BCAS3: variants seen among roughly 807,000 people sequenced by gnomAD.
BCAS3 encodes the protein BCAS4/BCAS3 fusion.
BCAS3 carries 53 observed loss-of-function variants against 116.1 expected under a neutral mutation model. The ratio of observed to expected loss-of-function variants is 0.46; its 90% CI spans 0.37 to 0.57. The LOEUF is 0.57. BCAS3 is among the 20% of genes least tolerant of loss of function. BCAS3 has a pLI of 0.00. For synonymous variants in BCAS3, 391 were observed against 408.2 expected (o/e 0.96, Z 0.51); for missense variants, 917 against 1,165.4 (o/e 0.79, Z 3.10).
intron 13 of BCAS3, among the ~76,000 whole-genome samples, chr17:60,932,962 G>T (rs2145193086): frequency 6.6e-6 from 1 of 152,094 alleles, no homozygotes; most frequent in Non-Finnish European, 1.5e-5. Flanking sequence ...ATTACTTGAG[G>T]TTGGGAGTTC....
At chr17:60,951,775 T>C (rs528915395) in intron 14 of BCAS3, among the ~76,000 whole-genome samples, 1 of 146,910 alleles carries the variant, frequency 6.8e-6, no homozygotes, top group Non-Finnish European at 1.5e-5. Flanking sequence ...TTTTTTTTTT[T>C]TTTTTTTTTT....
chr17:60,680,841 T>C (rs1047243180), intron 2 of BCAS3, among the ~76,000 whole-genome samples: 2 of 151,854 alleles, frequency 1.3e-5, no homozygotes, highest in Non-Finnish European at 2.9e-5. Flanking sequence ...AAAGACGGGG[T>C]TTTGCCATTT....
chr17:60,732,436 T>G (rs2040551208), intron 5 of BCAS3, among the ~76,000 whole-genome samples: 2 of 152,168 alleles, frequency 1.3e-5, no homozygotes, highest in African/African-American at 4.8e-5. Flanking sequence ...TTGGATGAGA[T>G]TATGAAGACT....
chr17:61,025,282 AT>A (rs1318723602), intron 16 of BCAS3, among the ~76,000 whole-genome samples: 1 of 150,956 alleles, frequency 6.6e-6, no homozygotes, highest in African/African-American at 2.4e-5. Flanking sequence ...TATGGCCAAC[AT>A]TTTTTTTTCT....
chr17:60,815,994 A>G (rs1445359200), intron 7 of BCAS3, among the ~76,000 whole-genome samples: 1 of 152,076 alleles, frequency 6.6e-6, no homozygotes, highest in Non-Finnish European at 1.5e-5. Context: ...TCACTTTTTT[A>G]TGACTGAGAA....
At position 61,363,457 on chromosome 17, in the gene BCAS3, C is replaced by T. The variant is rs1201407001; in HGVS notation, c.2426-4870C>T. 6.6e-6 allele frequency among the ~76,000 whole-genome samples: 1 copy of T among 152,026 alleles called. No individual in the cohort carries two copies. Among genetic ancestry groups the T allele is most frequent in the African/African-American group, 2.4e-5 (1 of 41,386 alleles). ...CTGCGAAGACTGTTGCACTTACAAC[C>T]AGATGCCTCATGTCTCTGAAACTCA... On this transcript the variant is annotated intron_variant, in intron 22 of 23. Coordinates refer to ENST00000407086, the MANE Select transcript of BCAS3 (RefSeq NM_017679.5). The surrounding 1 kb of genome is among the most constrained non-coding windows in gnomAD (Gnocchi z 4.9).
chr17:60,688,858 G>A (rs756030300), intron 3 of BCAS3: 2 of 151,858 alleles, frequency 1.3e-5, no homozygotes, highest in African/African-American at 2.4e-5. Flanking sequence ...TTTATGGAGA[G>A]ATGCCTCCTT....
intron 14 of BCAS3, among the ~76,000 whole-genome samples, chr17:60,959,578 T>C (rs1016644889): frequency 1.1e-4 from 17 of 152,332 alleles, no homozygotes; most frequent in Admixed American, 5.2e-4. Context: ...GAAATAATTT[T>C]GCATTTACTT....
chr17:60,775,640 A>G (rs990070856), intron 6 of BCAS3, among the ~76,000 whole-genome samples: 17 of 151,790 alleles, frequency 1.1e-4, no homozygotes, highest in Non-Finnish European at 1.5e-5. Context: ...AAGTGAATTT[A>G]TGTAAATTTA....
chr17:61,303,351 G>A (rs567368733), intron 22 of BCAS3, among the ~76,000 whole-genome samples: 69 of 152,292 alleles, frequency 4.5e-4, no homozygotes, highest in South Asian at 1.0e-3. Context: ...ATACAGCAGC[G>A]GCCTGGAACT....
intron 22 of BCAS3, among the ~76,000 whole-genome samples, chr17:61,311,926 A>C (rs1421902876): frequency 6.6e-6 from 1 of 151,966 alleles, no homozygotes; most frequent in African/African-American, 2.4e-5. Flanking sequence ...GACAGAAAGG[A>C]TCTTGGCACC....
chr17:60,790,192 G>A (rs2046639722), intron 6 of BCAS3, among the ~76,000 whole-genome samples: 4 of 152,100 alleles, frequency 2.6e-5, no homozygotes. Flanking sequence ...AAAGTTTGCT[G>A]GACTGATATA....
At chr17:61,308,079 G>A (rs992336790) in intron 22 of BCAS3, among the ~76,000 whole-genome samples, 1 of 152,086 alleles carries the variant, frequency 6.6e-6, no homozygotes, top group African/African-American at 2.4e-5. Flanking sequence ...CTGGGAATTC[G>A]GGTCAGAAAC....
At chr17:60,810,902 C>G in intron 7 of BCAS3, 1 of 699,674 alleles carries the variant, frequency 1.4e-6, no homozygotes, top group South Asian at 1.4e-5. Context: ...CAGGATCTCA[C>G]CAAGATCATG....
At chr17:60,860,545 C>T (rs1263932885) in intron 7 of BCAS3, among the ~76,000 whole-genome samples, 2 of 152,210 alleles carry the variant, frequency 1.3e-5, no homozygotes, top group African/African-American at 4.8e-5. Context: ...CTTATAAAAT[C>T]TTTGCCAGGG....
intron 12 of BCAS3, among the ~76,000 whole-genome samples, chr17:60,911,119 C>CTTTCTT (rs2058476645): frequency 5.7e-5 from 2 of 35,314 alleles, no homozygotes; most frequent in African/African-American, 1.7e-4. Context: ...TTCTTTTTTT[C>CTTTCTT]TTTCTTTTTT....
intron 6 of BCAS3, among the ~76,000 whole-genome samples, chr17:60,790,141 T>A (rs569436172): frequency 2.3e-4 from 35 of 152,332 alleles, no homozygotes; most frequent in Non-Finnish European, 4.7e-4. Context: ...CCATAAACTT[T>A]ATAAATTTTT....
chr17:61,243,323 G>A lies in BCAS3; in HGVS notation c.2426-125004G>A, dbSNP rs112049795. 2.2e-3 allele frequency among the ~76,000 whole-genome samples: 339 copies of A among 152,282 alleles called. 1 individual carries two copies. The highest frequency in any genetic ancestry group is 3.3e-3 in the Non-Finnish European group (222 of 68,014). ...CAGAATCTCTTTCTTATTTAAAGCT[G>A]AGTAATATTCCATTGTGTCTATATA... On this transcript the variant is annotated intron_variant, in intron 22 of 23. Transcript: ENST00000407086. The surrounding 1 kb of genome is among the most constrained non-coding windows in gnomAD (Gnocchi z 5.6).
chr17:60,699,761 T>C (rs559030054), intron 4 of BCAS3, among the ~76,000 whole-genome samples: 1 of 151,924 alleles, frequency 6.6e-6, no homozygotes, highest in African/African-American at 2.4e-5. Flanking sequence ...TATGTCATTA[T>C]TGGTGTTTTA....
Sources: gnomAD v4.1 joint callset for allele counts (sites outside exome capture counted in the v4.1 genomes callset) on GRCh38, gnomAD v4.1.1 for gene constraint, Gnocchi (gnomAD v3.1) non-coding constraint, MANE v1.5 for transcripts, NCBI Gene and HGNC (gene_info 2026-07-23, HGNC 2026-07-21) for gene names.